LAMA2: variants seen among roughly 807,000 people sequenced by gnomAD.
LAMA2 encodes the protein laminin subunit alpha-2.
A neutral mutation model predicts 364.8 loss-of-function variants in LAMA2; 269 were observed. The observed-to-expected ratio is 0.74, with a 90% CI of 0.67 to 0.82. The LOEUF (loss-of-function observed/expected upper bound fraction) is 0.82, where lower values mean the gene tolerates loss of function less well. LAMA2 is among the 40% of genes least tolerant of loss of function. The pLI is 0.00. For synonymous variants in LAMA2, 1,379 were observed against 1,370.6 expected (o/e 1.01, Z -0.14); for missense variants, 3,807 against 3,873.2 (o/e 0.98, Z 0.45).
At chr6:129,164,272 C>T (rs114238100) in intron 8 of LAMA2, among the ~76,000 whole-genome samples, 2,943 of 152,192 alleles carry the variant, frequency 0.019, 112 homozygotes, top group African/African-American at 0.066. Context: ...ATCCCTGGTG[C>T]GACAGAGCAA....
chr6:129,434,759 G>A (rs1314893304), intron 41 of LAMA2, among the ~76,000 whole-genome samples: 1 of 151,742 alleles, frequency 6.6e-6, no homozygotes, highest in Admixed American at 6.6e-5. Flanking sequence ...GGTTTTCCTC[G>A]CTATTATTTT....
At chr6:129,354,226 T>G (rs886839545) in intron 32 of LAMA2, among the ~76,000 whole-genome samples, 2 of 152,192 alleles carry the variant, frequency 1.3e-5, no homozygotes, top group Non-Finnish European at 2.9e-5. Flanking sequence ...TTTGTTTATG[T>G]TCTAGTTTTA....
chr6:128,931,041 A>C (rs1205465614), intron 1 of LAMA2, among the ~76,000 whole-genome samples: 1 of 152,200 alleles, frequency 6.6e-6, no homozygotes, highest in Non-Finnish European at 1.5e-5. Context: ...CTGCAAAAAA[A>C]AAGGGACAAG....
intron 7 of LAMA2, among the ~76,000 whole-genome samples, chr6:129,153,856 A>G: frequency 6.6e-6 from 1 of 152,196 alleles, no homozygotes; most frequent in South Asian, 2.1e-4. Flanking sequence ...GTAATTCATT[A>G]CAGATTACCT....
chr6:129,396,828 T>C (rs1779664247), intron 37 of LAMA2, among the ~76,000 whole-genome samples: 1 of 151,286 alleles, frequency 6.6e-6, no homozygotes, highest in African/African-American at 2.4e-5. Flanking sequence ...AATACAAAAA[T>C]TAGTCGGGCA....
intron 1 of LAMA2, among the ~76,000 whole-genome samples, chr6:129,032,493 C>G (rs112766394): frequency 1.3e-5 from 2 of 152,124 alleles, no homozygotes; most frequent in African/African-American, 4.8e-5. Context: ...AAAAGCAGAG[C>G]TTTATTCTAG....
At chr6:128,923,432 G>C (rs1203405987) in intron 1 of LAMA2, among the ~76,000 whole-genome samples, 1 of 147,392 alleles carries the variant, frequency 6.8e-6, no homozygotes, top group African/African-American at 2.4e-5. Flanking sequence ...CACATCCCTT[G>C]TAAGTTGGAT....
intron 12 of LAMA2, among the ~76,000 whole-genome samples, chr6:129,227,340 C>G (rs1448245893): frequency 2.0e-5 from 3 of 152,228 alleles, no homozygotes; most frequent in African/African-American, 7.2e-5. Context: ...TCCTCAAAGT[C>G]ATTCTCCATC....
chr6:129,110,360 A>C (rs1776077061), intron 4 of LAMA2, among the ~76,000 whole-genome samples: 1 of 152,002 alleles, frequency 6.6e-6, no homozygotes, highest in African/African-American at 2.4e-5. Flanking sequence ...TCTGGCCTAA[A>C]ATCACAAGCA....
intron 55 of LAMA2, among the ~76,000 whole-genome samples, chr6:129,483,119 T>C (rs1319421486): frequency 1.3e-5 from 2 of 148,268 alleles, no homozygotes; most frequent in Non-Finnish European, 3.0e-5. Flanking sequence ...AATAATATAA[T>C]CTTGTCAATA....
At chr6:129,373,216 G>T (rs201407884) in intron 34 of LAMA2, among the ~76,000 whole-genome samples, 1 of 152,052 alleles carries the variant, frequency 6.6e-6, no homozygotes, top group Non-Finnish European at 1.5e-5. Flanking sequence ...CCATATCCAC[G>T]GTCATCTAGA....
At chr6:129,145,674 A>C (rs936252364) in intron 5 of LAMA2, among the ~76,000 whole-genome samples, 3 of 151,974 alleles carry the variant, frequency 2.0e-5, no homozygotes, top group South Asian at 2.1e-4. Context: ...ACTTTATCGT[A>C]CATGAGTCTT....
chr6:129,325,552 AC>A (rs1775225572), intron 28 of LAMA2, among the ~76,000 whole-genome samples: 4 of 152,106 alleles, frequency 2.6e-5, no homozygotes, highest in South Asian at 2.1e-4. Flanking sequence ...TTTAAAAAAA[AC>A]AGCACGTTTT....
intron 19 of LAMA2, 23 bp from the exon 20 acceptor site, chr6:129,291,591 A>G: frequency 6.3e-7 from 1 of 1,577,880 alleles, no homozygotes; most frequent in Non-Finnish European, 8.7e-7. Flanking sequence ...TTTCCTGATC[A>G]CAGGTCTCTC....
intron 1 of LAMA2, among the ~76,000 whole-genome samples, chr6:128,910,429 C>T (rs1221210338): frequency 7.2e-5 from 11 of 152,224 alleles, no homozygotes; most frequent in South Asian, 2.1e-4. Flanking sequence ...TTGATCGCAT[C>T]GGCTCCTGAG....
rs768884356 is a variant in LAMA2, at chr6:129,287,907, A to G, written c.2598A>G (p.Gln866=). ...CTGGAGGATCATGTCAGCCATGCCA[A>G]TGCAATGACAACCTTGACTTCTCCA... ...SVPGGSCQPC[Q]CNDNLDFSIP... Residue 866 remains glutamine (Q), a synonymous_variant, in exon 19 of 65, where the codon CAA becomes CAG. Transcript: ENST00000421865. 5.6e-6 allele frequency: 9 copies of G among 1,613,980 alleles called. No homozygotes were observed. In the Admixed American group the frequency reaches 6.7e-5, roughly 12 times the overall value.
chr6:129,281,318 C>T (rs1788703726), intron 18 of LAMA2, among the ~76,000 whole-genome samples: 1 of 152,084 alleles, frequency 6.6e-6, no homozygotes, highest in South Asian at 2.1e-4. Flanking sequence ...TGCCTAAACC[C>T]CCCAGTTCAC....
chr6:129,218,028 C>T (rs1783541545), intron 12 of LAMA2, among the ~76,000 whole-genome samples: 1 of 152,040 alleles, frequency 6.6e-6, no homozygotes. Flanking sequence ...GGGGTCATGA[C>T]ATCTTTTAAC....
intron 29 of LAMA2, among the ~76,000 whole-genome samples, chr6:129,330,853 A>G (rs1199511113): frequency 6.7e-6 from 1 of 149,286 alleles, no homozygotes; most frequent in Non-Finnish European, 1.5e-5. Flanking sequence ...GAATCCTACC[A>G]TCTCCTCCAT....
Sources: allele counts gnomAD v4.1 joint callset (sites outside exome capture counted in the v4.1 genomes callset), GRCh38; gene constraint gnomAD v4.1.1; transcripts MANE v1.5; gene names NCBI Gene and HGNC (gene_info 2026-07-23, HGNC 2026-07-21).